ANKRD26: variants seen among roughly 807,000 people sequenced by gnomAD.
ANKRD26 encodes the protein ankyrin repeat domain-containing protein 26.
Under a neutral mutation model 208.7 loss-of-function variants are expected in ANKRD26, and 141 were observed. That is an observed-to-expected ratio of 0.68 (90% CI 0.59 to 0.78). The LOEUF is 0.78. Ranked by LOEUF, ANKRD26 falls within the 30% of genes least tolerant of loss-of-function variation. The pLI is 0.00. For synonymous variants in ANKRD26, 636 were observed against 660.4 expected, an observed-to-expected ratio of 0.96 and a Z score of 0.57; for missense variants, 1,889 against 1,938.7, an observed-to-expected ratio of 0.97 and a Z score of 0.48.
At chr10:27,053,484 AT>A in intron 15 of ANKRD26, 94 bp from the exon 16 acceptor site, 1 of 876,410 alleles carries the variant, frequency 1.1e-6, no homozygotes. Flanking sequence ...TATTTATTTT[AT>A]TTTATAAATC....
the ANKRD26 span, among the ~76,000 whole-genome samples, chr10:26,953,585 C>A: frequency 1.3e-5 from 2 of 152,094 alleles, no homozygotes; most frequent in Admixed American, 1.3e-4. Context: ...AAGGTTCAAA[C>A]ATTTGCAGTG....
chr10:27,093,602 A>G lies in ANKRD26; in HGVS notation c.358-80T>C, dbSNP rs924681328. 3.1e-6 allele frequency: 5 copies of G among 1,596,088 alleles called. No individual in the cohort carries two copies. The African/African-American group carries it at 6.7e-5, about 21-fold the overall frequency. ...ACTCCACAGGTTTCACCAATTAGTT[A>G]TATTTTAATGAGATAAATTCATTTT... On this transcript the variant is annotated intron_variant, in intron 2 of 33. Transcript: ENST00000376087.
chr10:27,051,769 G>A (rs1364136457), intron 16 of ANKRD26: 4 of 985,188 alleles, frequency 4.1e-6, no homozygotes, highest in Non-Finnish European at 4.8e-6. Context: ...TCGCAATCAA[G>A]TATATTATTT....
chr10:27,051,446 G>T, intron 16 of ANKRD26: 4 of 1,073,342 alleles, frequency 3.7e-6, no homozygotes, highest in East Asian at 8.0e-5. Context: ...TCCAGTTAGT[G>T]GTATTTCGGT....
intron 25 of ANKRD26, among the ~76,000 whole-genome samples, chr10:27,029,910 C>G (rs1433458678): frequency 6.6e-6 from 1 of 152,132 alleles, no homozygotes; most frequent in Non-Finnish European, 1.5e-5. Flanking sequence ...CCACCAGTTA[C>G]CAGCTGTGTG....
In ANKRD26 at chr10:26,998,147, A is replaced by T. The variant is rs546982639; in HGVS notation, c.563-3000T>A. 5.9e-5 allele frequency among the ~76,000 whole-genome samples: 9 copies of T among 152,370 alleles called. No homozygotes were observed. The East Asian group carries it at 1.5e-3, about 26-fold the overall frequency. On this transcript the variant is annotated intron_variant, in intron 4 of 5. Transcript: ENST00000445828. Reference sequence around the variant, plus strand: ...CATGACCCAATTTACTAGGGTGGCTAAATCGTCATCTGGTCTGTTTTAAAA... The same window carrying T: ...CATGACCCAATTTACTAGGGTGGCTTAATCGTCATCTGGTCTGTTTTAAAA...
chr10:26,972,060 C>T (rs560055119), downstream of ANKRD26, among the ~76,000 whole-genome samples: 14 of 151,976 alleles, frequency 9.2e-5, no homozygotes, highest in Admixed American at 2.0e-4. Flanking sequence ...ACGGTGAAAC[C>T]CCGTCTCTAC....
chr10:27,056,571 A>G (rs2054847110), intron 15 of ANKRD26, among the ~76,000 whole-genome samples: 1 of 150,070 alleles, frequency 6.7e-6, no homozygotes, highest in Admixed American at 6.7e-5. Context: ...TGAGGTCAGG[A>G]GTTCAAGACC....
At chr10:27,053,651 G>A (rs1163832701) in intron 15 of ANKRD26, among the ~76,000 whole-genome samples, 1 of 152,048 alleles carries the variant, frequency 6.6e-6, no homozygotes, top group Admixed American at 6.6e-5. Flanking sequence ...ACTTAATGAG[G>A]TATCTAATTA....
At position 27,040,146 on chromosome 10, in the gene ANKRD26, C is replaced by T. The variant is rs780328600; in HGVS notation, c.2194G>A (p.Ala732Thr). 1.1e-5 allele frequency: 17 copies of T among 1,612,270 alleles called. No individual in the cohort carries two copies. The Admixed American group carries it at 2.7e-4, about 25-fold the overall frequency. Residue 732 changes from alanine (A) to threonine (T), a missense_variant, in exon 21 of 34, where the codon GCT becomes ACT. Coordinates refer to ENST00000376087, the MANE Select transcript of ANKRD26 (RefSeq NM_014915.3). ...TCTAATAATCTTTCACATGAAAGAG[C>T]TGCATCCTGGATTTTCAATAGGCTA... ...SVSLLKIQDA[A>T]LSCERLLELK...
the ANKRD26 span, among the ~76,000 whole-genome samples, chr10:26,957,764 G>T: frequency 6.6e-6 from 1 of 152,128 alleles, no homozygotes; most frequent in Non-Finnish European, 1.5e-5. Context: ...CATAGGGTTG[G>T]TGTAGGATTA....
chr10:26,975,599 C>T (rs1024369778), exon 6 of ANKRD26, among the ~76,000 whole-genome samples: 1 of 151,782 alleles, frequency 6.6e-6, no homozygotes, highest in Middle Eastern at 3.4e-3. Flanking sequence ...CCCAACACTT[C>T]GGGAGGCCAA....
rs923367532 is a variant in ANKRD26 at position 27,004,684 on chromosome 10, G to A, written c.*906C>T. ...TCTAATCACCATGAAACCCAATTGA[G>A]GGACATTCTTATATTACCAGACTTT... On this transcript the variant is annotated 3_prime_UTR_variant, in exon 34 of 34. Coordinates refer to ENST00000376087, the MANE Select transcript of ANKRD26 (RefSeq NM_014915.3). The A allele has an allele frequency of 2.6e-5, 4 of 152,066 alleles. No homozygotes were observed. The highest frequency in any genetic ancestry group is 4.4e-5 in the Non-Finnish European group (3 of 68,006). The allele number at this position is 152,066 out of a possible 1,614,324, so 9.4% of individuals were successfully genotyped here.
chr10:26,959,114 A>G, the ANKRD26 span, among the ~76,000 whole-genome samples: 1 of 152,000 alleles, frequency 6.6e-6, no homozygotes, highest in Admixed American at 6.6e-5. Context: ...TGTTGAAACT[A>G]CTAAAAATAC....
In ANKRD26 at chr10:27,079,147, G is replaced by A. The variant is rs775771212; in HGVS notation, c.755C>T (p.Pro252Leu). Residue 252 changes from proline to leucine, a missense_variant, in exon 7 of 34, where the codon CCG (proline) becomes CTG (leucine). This residue lies in a region of ANKRD26 where 1,272 missense variants were observed against 1,273.8 expected (regional missense o/e 1.00). Transcript: ENST00000376087. ...GGTAGGCCATGAATCATCAACACCC[G>A]GTTTGCCAGAAAGCCTTTAGAACAA... ...EDSLSRLSGK[P>L]GVDDSWPTSD... is the part of the protein sequence containing the mutation. 37 of 1,613,376 alleles carry A rather than the reference G, an allele frequency of 2.3e-5. No individual in the cohort carries two copies. Among genetic ancestry groups the A allele is most frequent in the Admixed American group, 1.5e-4 (9 of 59,960 alleles).
chr10:27,069,160 G>A (rs1013930141), intron 9 of ANKRD26, among the ~76,000 whole-genome samples: 15 of 128,188 alleles, frequency 1.2e-4, no homozygotes, highest in African/African-American at 4.7e-4. Flanking sequence ...ACGCCATTGC[G>A]CTCTGACCTG....
At position 27,048,814 on chromosome 10, in the gene ANKRD26, T is replaced by C. The variant is rs750333558; in HGVS notation, c.1801A>G (p.Lys601Glu). 6.2e-7 allele frequency: 1 copy of C among 1,613,214 alleles called. No homozygotes were observed. Among genetic ancestry groups the C allele is most frequent in the African/African-American group, 1.3e-5 (1 of 75,048 alleles). The stretch of plus-strand genomic sequence containing the variant: ...CTATCAGCTTACCTAGCATACTCTT[T>C]ATTTTCCTTCCTGGGAAATTGCTGA... ...DHQQFPRKEN[K>E]EYASSGPALQ... Residue 601 changes from lysine (K) to glutamate (E), a missense_variant, in exon 17 of 34, where the codon AAA becomes GAA. This residue lies in a region of ANKRD26 where 1,272 missense variants were observed against 1,273.8 expected (regional missense o/e 1.00). Transcript: ENST00000376087.
Position 27,035,543 on chromosome 10 carries a change from T to C in ANKRD26, c.2907A>G (p.Gln969=). ...TIKQNEETLT[Q]TISQYNGRLS... ...GCCGTCCATTATACTGGGATATTGT[T>C]TGTGTTAATGTTTCCTCATTCTGTT... The change falls in exon 24 of 34, where the codon CAA becomes CAG. Residue 969 remains glutamine (Q), a synonymous_variant. Transcript: ENST00000376087. 1 of 1,613,948 alleles carries C rather than the reference T, an allele frequency of 6.2e-7. No individual in the cohort carries two copies.
Position 27,037,198 on chromosome 10 carries a change from T to A in ANKRD26, c.2685A>T (p.Lys895Asn). The A allele has an allele frequency of 1.9e-6, 3 of 1,613,486 alleles. No homozygotes were observed. Among genetic ancestry groups the A allele is most frequent in the Non-Finnish European group, 2.5e-6 (3 of 1,179,524 alleles). Residue 895 changes from lysine to asparagine, a missense_variant, in exon 23 of 34, where the codon AAA becomes AAT. Physicochemically the swap from Lys to Asn is moderately conservative, Grantham distance 94. Coordinates refer to ENST00000376087, the MANE Select transcript of ANKRD26 (RefSeq NM_014915.3). ...GAAATAGAAATACCTCAGAATTCAT[T>A]TTCTTTTGAGCCATTTCAATCTCCT... The part of the protein sequence containing the change: ...KQKEIEMAQK[K>N]MNSENSHSHE...
Sources: gnomAD v4.1 joint callset for allele counts (sites outside exome capture counted in the v4.1 genomes callset) on GRCh38, gnomAD v4.1.1 for gene constraint, gnomAD v4.1.1 regional missense constraint, MANE v1.5 for transcripts, NCBI Gene and HGNC (gene_info 2026-07-23, HGNC 2026-07-21) for gene names.